Variants in CAMK1D observed in about 807,000 individuals in gnomAD.
CAMK1D encodes calcium/calmodulin dependent protein kinase ID.
A neutral mutation model predicts 47.7 loss-of-function variants in CAMK1D; 9 were observed. The ratio of observed to expected loss-of-function variants is 0.19; its 90% confidence interval spans 0.11 to 0.33. The LOEUF (loss-of-function observed/expected upper bound fraction) is 0.33, where lower values mean the gene tolerates loss of function less well. Among genes scored for constraint, CAMK1D ranks in the 10% least tolerant of loss-of-function variants. CAMK1D has a pLI of 1.00. For missense variants in CAMK1D, 291 were observed against 488.7 expected, an observed-to-expected ratio of 0.60 and a Z score of 3.81; for synonymous variants, 184 against 184.9, an observed-to-expected ratio of 0.99 and a Z score of 0.04.
At chr10:12,695,051 G>GATAC (rs1833216482) in intron 3 of CAMK1D, among the ~76,000 whole-genome samples, 5 of 124,024 alleles carry the variant, frequency 4.0e-5, no homozygotes, top group Non-Finnish European at 9.1e-5. Flanking sequence ...TAGATAGATA[G>GATAC]ATAGATAGAT....
intron 2 of CAMK1D, among the ~76,000 whole-genome samples, chr10:12,614,691 C>T (rs552694004): frequency 5.5e-4 from 84 of 152,094 alleles, no homozygotes; most frequent in Non-Finnish European, 9.7e-4. Context: ...TTGATAAGCC[C>T]TTGGAAACCT....
chr10:12,801,498 TCATC>T (rs936269868), intron 6 of CAMK1D, among the ~76,000 whole-genome samples: 8 of 150,804 alleles, frequency 5.3e-5, no homozygotes, highest in African/African-American at 2.0e-4. Flanking sequence ...ATCCATCCAT[TCATC>T]CATCTATCCA....
At chr10:12,773,959 T>C (rs538239714) in intron 5 of CAMK1D, among the ~76,000 whole-genome samples, 21 of 151,584 alleles carry the variant, frequency 1.4e-4, no homozygotes, top group African/African-American at 5.1e-4. Flanking sequence ...CTCAGTATTA[T>C]GAGAGAGAAA....
chr10:12,650,719 C>T (rs1057261161), intron 2 of CAMK1D, among the ~76,000 whole-genome samples: 6 of 152,200 alleles, frequency 3.9e-5, no homozygotes, highest in Non-Finnish European at 7.3e-5. Flanking sequence ...CCTTGTGCCG[C>T]GTTCTCTTGT....
rs139303531 is a variant in CAMK1D at position 12,471,618 on chromosome 10, C to A, written c.93-81607C>A. The stretch of plus-strand genomic sequence containing the variant: ...AAGAAAGGCAGGGCTAGAATGCCTG[C>A]CCCTTCACTCCCACCCCTCCTGGTT... On this transcript the variant is annotated intron_variant, in intron 1 of 10. Coordinates refer to ENST00000619168, the MANE Select transcript of CAMK1D (RefSeq NM_153498.4). Among the ~76,000 whole-genome samples, 1,205 of 152,306 alleles carry A rather than the reference C, an allele frequency of 7.9e-3. 14 individuals are homozygous for A. The highest frequency in any genetic ancestry group is 0.028 in the African/African-American group (1,144 of 41,574).
intron 2 of CAMK1D, among the ~76,000 whole-genome samples, chr10:12,591,540 G>A (rs1564432140): frequency 6.6e-6 from 1 of 152,190 alleles, no homozygotes; most frequent in Non-Finnish European, 1.5e-5. Flanking sequence ...ATTATAGCAA[G>A]CTCTGAATAA....
chr10:12,455,194 G>C (rs536996436), intron 1 of CAMK1D, among the ~76,000 whole-genome samples: 2 of 152,094 alleles, frequency 1.3e-5, no homozygotes, highest in Non-Finnish European at 2.9e-5. Context: ...CATAAGGATA[G>C]AGGGTCTTGC....
At chr10:12,696,713 G>A (rs1833312759) in intron 3 of CAMK1D, among the ~76,000 whole-genome samples, 1 of 152,230 alleles carries the variant, frequency 6.6e-6, no homozygotes, top group African/African-American at 2.4e-5. Flanking sequence ...AATTCTTGAT[G>A]TTCTTCTTCA....
intron 1 of CAMK1D, among the ~76,000 whole-genome samples, chr10:12,449,159 C>T (rs193045040): frequency 6.6e-6 from 1 of 152,260 alleles, no homozygotes; most frequent in East Asian, 1.9e-4. Flanking sequence ...GCCGATGTTA[C>T]ATGAGTATTT....
intron 1 of CAMK1D, among the ~76,000 whole-genome samples, chr10:12,432,317 A>G (rs1003217739): frequency 6.6e-6 from 1 of 152,164 alleles, no homozygotes; most frequent in Non-Finnish European, 1.5e-5. Flanking sequence ...TTTGCAGGAA[A>G]CTTAGTCCAA....
chr10:12,487,627 A>G (rs909672839), intron 1 of CAMK1D, among the ~76,000 whole-genome samples: 3 of 152,246 alleles, frequency 2.0e-5, no homozygotes, highest in African/African-American at 7.2e-5. Context: ...CATCATTGCA[A>G]TGCCACAGAT....
intron 1 of CAMK1D, among the ~76,000 whole-genome samples, chr10:12,520,299 C>T (rs1434499222): frequency 1.1e-5 from 1 of 89,006 alleles, no homozygotes; most frequent in African/African-American, 4.3e-5. Context: ...GACAGGGCGG[C>T]GGGGCAGAGG....
chr10:12,498,882 A>G (rs1225640085), intron 1 of CAMK1D, among the ~76,000 whole-genome samples: 1 of 152,180 alleles, frequency 6.6e-6, no homozygotes, highest in Non-Finnish European at 1.5e-5. Flanking sequence ...AGAAGCAATA[A>G]TAATATTGCC....
chr10:12,394,165 A>G (rs1204245558), intron 1 of CAMK1D, among the ~76,000 whole-genome samples: 1 of 152,166 alleles, frequency 6.6e-6, no homozygotes, highest in Non-Finnish European at 1.5e-5. Context: ...TTACAGTTGT[A>G]TTATGACAAA....
At chr10:12,796,541 G>T (rs1838203213) in intron 6 of CAMK1D, among the ~76,000 whole-genome samples, 1 of 152,176 alleles carries the variant, frequency 6.6e-6, no homozygotes, top group Non-Finnish European at 1.5e-5. Context: ...GCAATTGACA[G>T]CTGGCTCTTG....
At chr10:12,604,734 TG>T (rs1407248794) in intron 2 of CAMK1D, among the ~76,000 whole-genome samples, 1 of 152,192 alleles carries the variant, frequency 6.6e-6, no homozygotes, top group Non-Finnish European at 1.5e-5. Context: ...TATGATTCCC[TG>T]TAGGTGCCAG....
intron 1 of CAMK1D, among the ~76,000 whole-genome samples, chr10:12,453,730 C>G (rs951542148): frequency 7.2e-5 from 11 of 152,188 alleles, no homozygotes; most frequent in African/African-American, 2.7e-4. Flanking sequence ...CATGGACTTA[C>G]CTGAACTGCT....
intron 4 of CAMK1D, among the ~76,000 whole-genome samples, chr10:12,762,435 A>G (rs1282015902): frequency 6.6e-6 from 1 of 152,196 alleles, no homozygotes; most frequent in African/African-American, 2.4e-5. Flanking sequence ...TCTTTCATAA[A>G]GACTCACTAC....
At chr10:12,655,421 C>G (rs187020690) in intron 2 of CAMK1D, among the ~76,000 whole-genome samples, 18 of 152,320 alleles carry the variant, frequency 1.2e-4, no homozygotes, top group African/African-American at 4.3e-4. Context: ...ACTATCCAAA[C>G]TGTATCACCC....
Sources: allele counts gnomAD v4.1 joint callset (sites outside exome capture counted in the v4.1 genomes callset), GRCh38; gene constraint gnomAD v4.1.1; transcripts MANE v1.5; gene names NCBI Gene and HGNC (gene_info 2026-07-23, HGNC 2026-07-21).